The following FANCB variants were observed in gnomAD, a reference collection of about 807,000 sequenced individuals.
FANCB encodes the protein Fanconi anemia group B protein.
FANCB carries 5 observed loss-of-function variants against 38.9 expected under a neutral mutation model. The ratio of observed to expected loss-of-function variants is 0.13; its 90% CI spans 0.07 to 0.27. FANCB has a LOEUF of 0.27. Ranked by LOEUF, FANCB falls within the 10% of genes least tolerant of loss-of-function variation. FANCB has a pLI of 1.00. For synonymous variants in FANCB, 236 were observed against 215.4 expected, an observed-to-expected ratio of 1.10 and a Z score of -0.84; for missense variants, 573 against 602.7, an observed-to-expected ratio of 0.95 and a Z score of 0.52.
chrX:14,831,545 C>T (rs1006527259), downstream of FANCB, among the ~76,000 whole-genome samples: 2 of 111,246 alleles, frequency 1.8e-5, no homozygotes, highest in African/African-American at 6.5e-5. Flanking sequence ...GGAGGCAAAT[C>T]GCTGGTGCTT....
the FANCB span, among the ~76,000 whole-genome samples, chrX:14,729,011 C>T: frequency 2.7e-5 from 3 of 112,353 alleles, no homozygotes; most frequent in Non-Finnish European, 5.6e-5. Flanking sequence ...TTACAAAACT[C>T]ATTTAAGTAC....
At chrX:14,822,387 T>C in the FANCB span, among the ~76,000 whole-genome samples, 20 of 109,572 alleles carry the variant, frequency 1.8e-4, no homozygotes, top group Middle Eastern at 4.7e-3. Context: ...AACACTTGAA[T>C]GTTAATTTCA....
chrX:14,725,855 C>T, the FANCB span, among the ~76,000 whole-genome samples: 2 of 112,038 alleles, frequency 1.8e-5, no homozygotes, highest in Non-Finnish European at 3.8e-5. Context: ...ATACAGCAGA[C>T]GGGATTAAGG....
the FANCB span, among the ~76,000 whole-genome samples, chrX:14,819,882 C>T: frequency 9.0e-6 from 1 of 111,603 alleles, no homozygotes; most frequent in Non-Finnish European, 1.9e-5. Flanking sequence ...ACACTGCCTG[C>T]TTAGTATTGC....
chrX:14,812,456 G>A, the FANCB span, among the ~76,000 whole-genome samples: 27 of 111,949 alleles, frequency 2.4e-4, no homozygotes, highest in African/African-American at 7.5e-4. Context: ...GAATCAAATA[G>A]ATGCAATAAA....
the FANCB span, among the ~76,000 whole-genome samples, chrX:14,704,821 T>TA: frequency 9.0e-5 from 10 of 111,513 alleles, no homozygotes; most frequent in Admixed American, 2.9e-4. Flanking sequence ...AAGGGGCAGA[T>TA]AAAAAAAACT....
the FANCB span, among the ~76,000 whole-genome samples, chrX:14,756,711 G>C: frequency 9.0e-6 from 1 of 111,476 alleles, no homozygotes; most frequent in Non-Finnish European, 1.9e-5. Context: ...TAGAAGCAGG[G>C]AGCTCTTCTC....
At chrX:14,845,390 C>A in intron 7 of FANCB, 104 bp from the exon 8 acceptor site, 1 of 633,183 alleles carries the variant, frequency 1.6e-6, no homozygotes, top group East Asian at 3.4e-5. Flanking sequence ...TTATTCTTTC[C>A]TTTCCTAGAA....
At chrX:14,817,828 C>T in the FANCB span, among the ~76,000 whole-genome samples, 4,348 of 111,381 alleles carry the variant, frequency 0.039, 88 homozygotes, top group Non-Finnish European at 0.063. Flanking sequence ...TAATTGTTTT[C>T]TAGATGAAGA....
the FANCB span, among the ~76,000 whole-genome samples, chrX:14,691,633 A>G: frequency 3.6e-5 from 4 of 111,265 alleles, no homozygotes; most frequent in Admixed American, 1.9e-4. Context: ...CTAAACCTCA[A>G]TGTTAGGAGG....
the FANCB span, among the ~76,000 whole-genome samples, chrX:14,734,938 T>C: frequency 9.4e-6 from 1 of 106,903 alleles, no homozygotes; most frequent in Non-Finnish European, 1.9e-5. Context: ...TTTTCATTCT[T>C]TTTTCTCTAA....
chrX:14,811,525 G>T, the FANCB span, among the ~76,000 whole-genome samples: 12 of 107,885 alleles, frequency 1.1e-4, no homozygotes, highest in East Asian at 1.5e-3. Flanking sequence ...TCCTAGTCTC[G>T]GATAAAACAG....
intron 7 of FANCB, among the ~76,000 whole-genome samples, chrX:14,847,503 C>A (rs189369154): frequency 1.4e-4 from 16 of 110,530 alleles, no homozygotes; most frequent in Non-Finnish European, 2.7e-4. Context: ...ATGAGAAGAT[C>A]TAACAGAGGA....
At chrX:14,775,471 G>A in the FANCB span, among the ~76,000 whole-genome samples, 3 of 111,470 alleles carry the variant, frequency 2.7e-5, no homozygotes, top group Non-Finnish European at 5.7e-5. Flanking sequence ...ATAGCTATTC[G>A]AGACTAGCTC....
chrX:14,858,372 G>A (rs935228367), intron 4 of FANCB, among the ~76,000 whole-genome samples: 2 of 108,677 alleles, frequency 1.8e-5, no homozygotes, highest in Non-Finnish European at 3.8e-5. Context: ...TCCAGCCTGG[G>A]CATGACAGAG....
the FANCB span, among the ~76,000 whole-genome samples, chrX:14,723,051 G>C: frequency 8.9e-6 from 1 of 112,285 alleles, no homozygotes; most frequent in Non-Finnish European, 1.9e-5. Context: ...GTTTGGGGTT[G>C]AAAAGAAAGA....
the FANCB span, among the ~76,000 whole-genome samples, chrX:14,830,399 A>C: frequency 9.0e-6 from 1 of 111,662 alleles, no homozygotes; most frequent in African/African-American, 3.3e-5. Context: ...TTTGTAAAAA[A>C]TGTAATATAT....
chrX:14,810,257 G>A, the FANCB span, among the ~76,000 whole-genome samples: 2 of 112,117 alleles, frequency 1.8e-5, no homozygotes, highest in Admixed American at 9.4e-5. Context: ...AAAGCAGAGC[G>A]CCTCTCCTCC....
At chrX:14,794,297 T>C in the FANCB span, among the ~76,000 whole-genome samples, 6 of 111,132 alleles carry the variant, frequency 5.4e-5, no homozygotes, top group Non-Finnish European at 1.1e-4. Context: ...AGATGGAAGA[T>C]GATGCAAAAG....
Sources: gnomAD v4.1 joint callset for allele counts (sites outside exome capture counted in the v4.1 genomes callset) on GRCh38, gnomAD v4.1.1 for gene constraint, MANE v1.5 for transcripts, NCBI Gene and HGNC (gene_info 2026-07-23, HGNC 2026-07-21) for gene names.